The following ACSM6 variants were observed in gnomAD, a reference collection of about 807,000 sequenced individuals.
The protein encoded by ACSM6 is acyl-CoA synthetase medium chain family member 6.
In ACSM6, 35 loss-of-function variants were observed where a neutral mutation model predicts 51.1. That is an observed-to-expected ratio of 0.69 (90% CI 0.52 to 0.91). The LOEUF is 0.91. Ranked by LOEUF, ACSM6 falls within the 40% of genes least tolerant of loss-of-function variation. The pLI, the probability that ACSM6 is intolerant of heterozygous loss-of-function variation, is 0.00. For missense variants in ACSM6, 509 were observed against 584.1 expected, an observed-to-expected ratio of 0.87 and a Z score of 1.32; for synonymous variants, 172 against 207.3, an observed-to-expected ratio of 0.83 and a Z score of 1.46.
At chr10:95,219,238 AAT>A (rs1201027220) in intron 8 of ACSM6, among the ~76,000 whole-genome samples, 1 of 152,158 alleles carries the variant, frequency 6.6e-6, no homozygotes, top group African/African-American at 2.4e-5. Context: ...AAAAGACAAA[AAT>A]AGACAAAACT....
chr10:95,207,190 T>G lies in ACSM6; in HGVS notation c.404-18T>G. On this transcript the variant is annotated intron_variant, in intron 3 of 10. Transcript: ENST00000341686. ...CTCAAAAGATAAAAATGAAGCCTTC[T>G]TTTGTGGTTTTTTTCAGGAATCACC... is the stretch of plus-strand genomic sequence containing the variant. The G allele has an allele frequency of 6.4e-7, 1 of 1,568,954 alleles. No individual in the cohort carries two copies. Among genetic ancestry groups the G allele is most frequent in the Non-Finnish European group, 8.6e-7 (1 of 1,156,802 alleles).
chr10:95,221,819 T>A (rs1420524590), intron 9 of ACSM6, among the ~76,000 whole-genome samples: 1 of 152,148 alleles, frequency 6.6e-6, no homozygotes, highest in East Asian at 1.9e-4. Context: ...GGGACAAAGA[T>A]GACATGATAA....
chr10:95,203,737 A>T (rs1175208909), intron 3 of ACSM6, among the ~76,000 whole-genome samples: 1 of 151,944 alleles, frequency 6.6e-6, no homozygotes, highest in Non-Finnish European at 1.5e-5. Flanking sequence ...ATACAGGCAT[A>T]TATTTTTTGG....
rs1022204854 is a variant in ACSM6, at chr10:95,225,374, C to T, written c.1285C>T (p.Leu429=). 3.9e-6 allele frequency: 6 copies of T among 1,550,054 alleles called. No individual in the cohort carries two copies. In the Admixed American group the frequency reaches 9.8e-5, roughly 25 times the overall value. Residue 429 remains leucine, a synonymous_variant, in exon 10 of 11, where the codon CTG becomes TTG. Transcript: ENST00000341686. ...CATAAAACTAAACCAACCTGCTTCT[C>T]TGTACTGTCCACACATGGTAAGAAA...
exon 11 of ACSM6, chr10:95,228,783 G>A: frequency 1.9e-6 from 3 of 1,550,938 alleles, no homozygotes; most frequent in Non-Finnish European, 2.6e-6. Flanking sequence ...CAGAGATTGT[G>A]AATGCTTTGG....
At chr10:95,211,388 A>G (rs911410959) in intron 5 of ACSM6, among the ~76,000 whole-genome samples, 2 of 152,196 alleles carry the variant, frequency 1.3e-5, no homozygotes, top group African/African-American at 4.8e-5. Context: ...CTTACATTCA[A>G]TCCTGCCTTA....
intron 3 of ACSM6, among the ~76,000 whole-genome samples, chr10:95,203,494 C>T (rs184040230): frequency 3.3e-5 from 5 of 152,196 alleles, no homozygotes; most frequent in Admixed American, 2.0e-4. Context: ...GCTCTTCATC[C>T]AGTATTAGAG....
chr10:95,219,299 A>G (rs542959270), intron 8 of ACSM6, among the ~76,000 whole-genome samples: 109 of 152,268 alleles, frequency 7.2e-4, no homozygotes, highest in Admixed American at 1.4e-3. Context: ...ATTATTACCT[A>G]ATCCTGTTTT....
chr10:95,216,652 G>A (rs1260029228), intron 8 of ACSM6, among the ~76,000 whole-genome samples: 3 of 152,166 alleles, frequency 2.0e-5, no homozygotes, highest in South Asian at 2.1e-4. Flanking sequence ...ATGGTCAGAA[G>A]GTGGTATTGG....
chr10:95,207,186 C>A, intron 3 of ACSM6, 22 bp from the exon 4 acceptor site: 1 of 1,573,876 alleles, frequency 6.4e-7, no homozygotes, highest in Non-Finnish European at 8.6e-7. Context: ...AAAATGAAGC[C>A]TTCTTTTGTG....
At chr10:95,208,933 TA>T (rs34370150) in intron 4 of ACSM6, among the ~76,000 whole-genome samples, 78 of 33,908 alleles carry the variant, frequency 2.3e-3, no homozygotes, top group African/African-American at 6.5e-3. Context: ...CAGGGATGTT[TA>T]AAAAAAAAAA....
chr10:95,202,902 G>A (rs922562003), intron 3 of ACSM6, among the ~76,000 whole-genome samples: 2 of 144,610 alleles, frequency 1.4e-5, no homozygotes, highest in Non-Finnish European at 3.0e-5. Context: ...TTGTGCCACT[G>A]CACTCCAGCC....
intron 2 of ACSM6, among the ~76,000 whole-genome samples, chr10:95,195,411 AC>A (rs1193482168): frequency 3.3e-5 from 5 of 152,348 alleles, no homozygotes; most frequent in Middle Eastern, 3.4e-3. Flanking sequence ...GTATTCAGGA[AC>A]AGTTTGGCTA....
In ACSM6 at chr10:95,222,132, T is replaced by A. The variant is rs998789867; in HGVS notation, c.1200+2161T>A. On this transcript the variant is annotated intron_variant, in intron 9 of 10. Coordinates refer to ENST00000341686, the Ensembl canonical transcript of ACSM6. ...TCAAATCAGAAAGGAAGAAGTAAGA[T>A]TATCTCTGTTTGCAGATTACATGAT... Among the ~76,000 whole-genome samples, 13 of 152,282 alleles carry A rather than the reference T, an allele frequency of 8.5e-5. No individual in the cohort carries two copies. The South Asian group carries it at 2.7e-3, about 32-fold the overall frequency.
intron 4 of ACSM6, among the ~76,000 whole-genome samples, chr10:95,209,852 T>A (rs930556421): frequency 1.3e-5 from 2 of 152,088 alleles, no homozygotes; most frequent in African/African-American, 4.8e-5. Context: ...ATTGGTAAAC[T>A]TCTCATGACA....
intron 3 of ACSM6, among the ~76,000 whole-genome samples, chr10:95,205,382 G>A (rs1244465097): frequency 6.6e-6 from 1 of 152,138 alleles, no homozygotes; most frequent in Non-Finnish European, 1.5e-5. Flanking sequence ...CGCAATGTCA[G>A]TGAGGGCCCA....
At chr10:95,222,263 A>G (rs11188230) in intron 9 of ACSM6, among the ~76,000 whole-genome samples, 42,572 of 151,918 alleles carry the variant, frequency 0.28, 7,277 homozygotes, top group Non-Finnish European at 0.39. Flanking sequence ...TTCAGGATAC[A>G]AGATCAATAC....
At chr10:95,204,643 CTG>C (rs1310179084) in intron 3 of ACSM6, among the ~76,000 whole-genome samples, 3 of 152,092 alleles carry the variant, frequency 2.0e-5, no homozygotes, top group Non-Finnish European at 2.9e-5. Context: ...TTAAAGATAA[CTG>C]TTTGAAAACG....
In ACSM6 at chr10:95,195,826, A is replaced by G. The variant is rs145098531; in HGVS notation, c.192+1149A>G. On this transcript the variant is annotated intron_variant, in intron 2 of 10. Transcript: ENST00000341686. ...CCTTTGGTGCATCATCTAGGGTTAGATAAGAGGGAAGACTTCTGTTTAGGA... is the reference window on the plus strand; with the variant it reads ...CCTTTGGTGCATCATCTAGGGTTAGGTAAGAGGGAAGACTTCTGTTTAGGA... Among the ~76,000 whole-genome samples the G allele has an allele frequency of 1.6e-4, 24 of 152,294 alleles. No homozygotes were observed. In the East Asian group the frequency reaches 4.4e-3, roughly 28 times the overall value.
Sources: allele counts gnomAD v4.1 joint callset (sites outside exome capture counted in the v4.1 genomes callset), GRCh38; gene constraint gnomAD v4.1.1; transcripts MANE v1.5; gene names NCBI Gene and HGNC (gene_info 2026-07-23, HGNC 2026-07-21).